The following SIAH2 variants were observed in gnomAD, a reference collection of about 807,000 sequenced individuals.
The protein encoded by SIAH2 is E3 ubiquitin-protein ligase SIAH2.
Under a neutral mutation model 20.4 loss-of-function variants are expected in SIAH2, and 4 were observed. The observed-to-expected ratio is 0.20, with a 90% confidence interval of 0.10 to 0.45. The LOEUF (loss-of-function observed/expected upper bound fraction) is 0.45, where lower values mean the gene tolerates loss of function less well. Among genes scored for constraint, SIAH2 ranks in the 20% least tolerant of loss-of-function variants. SIAH2 has a pLI of 0.99. For missense variants in SIAH2, 259 were observed against 440.3 expected, an observed-to-expected ratio of 0.59 and a Z score of 3.69; for synonymous variants, 171 against 192.5, an observed-to-expected ratio of 0.89 and a Z score of 0.93.
chr3:150,754,017 T>C (rs760894257), intron 1 of SIAH2, among the ~76,000 whole-genome samples: 1 of 152,192 alleles, frequency 6.6e-6, no homozygotes, highest in African/African-American at 2.4e-5. Flanking sequence ...AACTGCAATA[T>C]GTGGCCATTA....
chr3:150,743,588 A>G (rs1714146819), intron 1 of SIAH2, among the ~76,000 whole-genome samples: 1 of 152,218 alleles, frequency 6.6e-6, no homozygotes, highest in Admixed American at 6.5e-5. Flanking sequence ...GTTTGCTGAC[A>G]TGATCAGTCT....
chr3:150,751,723 C>A (rs532733405), intron 1 of SIAH2, among the ~76,000 whole-genome samples: 5 of 152,140 alleles, frequency 3.3e-5, no homozygotes, highest in Non-Finnish European at 7.3e-5. Context: ...GCATAAATTT[C>A]TTTTCTTTCT....
intron 1 of SIAH2, among the ~76,000 whole-genome samples, chr3:150,749,181 C>T (rs919285537): frequency 5.9e-5 from 9 of 152,064 alleles, no homozygotes; most frequent in African/African-American, 2.2e-4. Flanking sequence ...ATTGCAACTG[C>T]TGTGTAAGTA....
At chr3:150,758,281 C>T (rs993960526) in intron 1 of SIAH2, among the ~76,000 whole-genome samples, 8 of 151,786 alleles carry the variant, frequency 5.3e-5, no homozygotes, top group African/African-American at 1.9e-4. Flanking sequence ...TCAGAGAGGA[C>T]AAAGAAAAGG....
chr3:150,757,967 C>T lies in SIAH2; in HGVS notation c.417+4466G>A, dbSNP rs1714520100. ...AGGTGGCACCTGTTCTCTGGCTCTCCACCATCTCCACTGCTCCTCCAGGTC... is the reference window on the plus strand; with the variant it reads ...AGGTGGCACCTGTTCTCTGGCTCTCTACCATCTCCACTGCTCCTCCAGGTC... On this transcript the variant is annotated intron_variant, in intron 1 of 1. Transcript: ENST00000312960. Among the ~76,000 whole-genome samples, 3 of 152,144 alleles carry T rather than the reference C, an allele frequency of 2.0e-5. No individual in the cohort carries two copies. In the South Asian group the frequency reaches 6.2e-4, roughly 32 times the overall value.
chr3:150,748,328 T>C (rs1714274027), intron 1 of SIAH2, among the ~76,000 whole-genome samples: 1 of 152,202 alleles, frequency 6.6e-6, no homozygotes, highest in Admixed American at 6.5e-5. Flanking sequence ...ACCTGTTATT[T>C]ACCTAATAAA....
At chr3:150,743,952 C>T (rs1412151585) in intron 1 of SIAH2, among the ~76,000 whole-genome samples, 5 of 151,182 alleles carry the variant, frequency 3.3e-5, no homozygotes, top group Non-Finnish European at 5.9e-5. Context: ...TCCACTGAGA[C>T]ATGAAGGCAC....
chr3:150,761,635 G>A (rs1714611982), intron 1 of SIAH2, among the ~76,000 whole-genome samples: 2 of 152,116 alleles, frequency 1.3e-5, no homozygotes, highest in Non-Finnish European at 2.9e-5. Context: ...GGTGGGAAAG[G>A]AGGGGAGAGA....
chr3:150,761,193 G>A (rs1714602102), intron 1 of SIAH2, among the ~76,000 whole-genome samples: 1 of 152,190 alleles, frequency 6.6e-6, no homozygotes, highest in African/African-American at 2.4e-5. Context: ...AATGGCCCAA[G>A]AGGCAGCGCA....
chr3:150,746,797 G>C (rs1714224073), intron 1 of SIAH2, among the ~76,000 whole-genome samples: 1 of 152,256 alleles, frequency 6.6e-6, no homozygotes, highest in South Asian at 2.1e-4. Flanking sequence ...GCCCATGCCA[G>C]CAAGCAGGTC....
chr3:150,759,402 C>G (rs745943206), intron 1 of SIAH2, among the ~76,000 whole-genome samples: 1 of 152,150 alleles, frequency 6.6e-6, no homozygotes, highest in Non-Finnish European at 1.5e-5. Context: ...CTACAAAATT[C>G]CTGCCAATGA....
chr3:150,760,424 GAA>G (rs1404002354), intron 1 of SIAH2, among the ~76,000 whole-genome samples: 2 of 152,204 alleles, frequency 1.3e-5, no homozygotes, highest in African/African-American at 2.4e-5. Flanking sequence ...GACATGTACA[GAA>G]AGGCTGAGAA....
chr3:150,762,556 G>A lies in SIAH2; in HGVS notation c.294C>T (p.His98=). 1.2e-6 allele frequency: 2 copies of A among 1,613,552 alleles called. No individual in the cohort carries two copies. The highest frequency in any genetic ancestry group is 1.7e-6 in the Non-Finnish European group (2 of 1,179,936). ...LPPILQCQAG[H]LVCNQCRQKL... ...TCTGGCGGCATTGGTTACACACCAG[G>A]TGCCCGGCCTGGCACTGCAGAATAG... is the stretch of plus-strand genomic sequence containing the variant. The change falls in exon 1 of 2, where the codon CAC becomes CAT. Residue 98 remains histidine (H), a synonymous_variant. Coordinates refer to ENST00000312960, the MANE Select transcript of SIAH2 (RefSeq NM_005067.7). The surrounding 1 kb of genome is among the most constrained non-coding windows in gnomAD (Gnocchi z 6.6).
chr3:150,747,109 A>C (rs566351886), intron 1 of SIAH2, among the ~76,000 whole-genome samples: 2 of 152,368 alleles, frequency 1.3e-5, no homozygotes, highest in African/African-American at 4.8e-5. Context: ...AAATAAACAA[A>C]TAATTTACAT....
In SIAH2 at chr3:150,762,398, A is replaced by T; in HGVS notation, c.417+35T>A. 6.3e-7 allele frequency: 1 copy of T among 1,586,244 alleles called. No individual in the cohort carries two copies. Among genetic ancestry groups the T allele is most frequent in the African/African-American group, 1.4e-5 (1 of 73,720 alleles). On this transcript the variant is annotated intron_variant, in intron 1 of 1. Transcript: ENST00000312960. The surrounding 1 kb of genome is among the most constrained non-coding windows in gnomAD (Gnocchi z 6.6). ...GGCGGATACCGGAGTCCCTGAGGTC[A>T]CCGGCGGAGGTACGTGGGCTGTCCC...
rs1714083526 is a variant in SIAH2 at position 150,741,404 on chromosome 3, T to TCCACCCAAAACATA, written c.*736_*737insTATGTTTTGGGTGG. 6.6e-6 allele frequency: 1 copy of TCCACCCAAAACATA among 152,530 alleles called. No individual in the cohort carries two copies. The highest frequency in any genetic ancestry group is 1.5e-5 in the Non-Finnish European group (1 of 68,032). 9.4% of individuals were successfully genotyped at this position (152,530 alleles called of 1,614,324 possible). ...GCAATCCACCCAAAACATAGGTGAGTGGCCAAATCTCAGGCGTGCGTTCAT... is the reference window on the plus strand; with the variant it reads ...GCAATCCACCCAAAACATAGGTGAGTCCACCCAAAACATAGGCCAAATCTCAGGCGTGCGTTCAT... On this transcript the variant is annotated 3_prime_UTR_variant, in exon 2 of 2. Coordinates refer to ENST00000312960, the MANE Select transcript of SIAH2 (RefSeq NM_005067.7).
chr3:150,743,447 A>G (rs1268789324), intron 1 of SIAH2, among the ~76,000 whole-genome samples: 1 of 152,202 alleles, frequency 6.6e-6, no homozygotes, highest in Non-Finnish European at 1.5e-5. Flanking sequence ...AGAGGTTAAC[A>G]TGAGAAGGGC....
intron 1 of SIAH2, among the ~76,000 whole-genome samples, chr3:150,752,183 T>C (rs1714387161): frequency 6.6e-6 from 1 of 152,222 alleles, no homozygotes; most frequent in African/African-American, 2.4e-5. Context: ...CACTCTTCCA[T>C]GCCAGGTTCC....
intron 1 of SIAH2, among the ~76,000 whole-genome samples, chr3:150,754,436 G>C (rs943988316): frequency 6.6e-6 from 1 of 152,160 alleles, no homozygotes; most frequent in African/African-American, 2.4e-5. Context: ...ATAGTGCTAA[G>C]CCATTCATGA....
Sources: allele counts gnomAD v4.1 joint callset (sites outside exome capture counted in the v4.1 genomes callset), GRCh38; gene constraint gnomAD v4.1.1; non-coding constraint Gnocchi (gnomAD v3.1); transcripts MANE v1.5; gene names NCBI Gene and HGNC (gene_info 2026-07-23, HGNC 2026-07-21).